The following SIPA1L1 variants were observed in gnomAD, a reference collection of about 807,000 sequenced individuals.
The protein encoded by SIPA1L1 is signal-induced proliferation-associated 1-like protein 1.
Under a neutral mutation model 162.7 loss-of-function variants are expected in SIPA1L1, and 26 were observed. The ratio of observed to expected loss-of-function variants is 0.16; its 90% confidence interval spans 0.12 to 0.22. SIPA1L1 has a LOEUF of 0.22. Among genes scored for constraint, SIPA1L1 ranks in the 10% least tolerant of loss-of-function variants. SIPA1L1 has a pLI of 1.00. For synonymous variants in SIPA1L1, 829 were observed against 837.4 expected (o/e 0.99, Z 0.17); for missense variants, 1,874 against 2,241.0 (o/e 0.84, Z 3.31).
intron 12 of SIPA1L1, among the ~76,000 whole-genome samples, chr14:71,684,812 C>T (rs1161278100): frequency 6.6e-6 from 1 of 150,800 alleles, no homozygotes; most frequent in African/African-American, 2.4e-5. Flanking sequence ...TATGCATTGG[C>T]GGGTGTGTGA....
At chr14:71,491,905 A>G (rs900391494) in intron 2 of SIPA1L1, among the ~76,000 whole-genome samples, 1 of 151,880 alleles carries the variant, frequency 6.6e-6, no homozygotes, top group Non-Finnish European at 1.5e-5. Context: ...AATTTACCTG[A>G]TAATCCTCAT....
intron 11 of SIPA1L1, 51 bp downstream of exon 11, chr14:71,671,743 T>G: frequency 7.1e-7 from 1 of 1,413,446 alleles, no homozygotes; most frequent in South Asian, 1.4e-5. Context: ...TCATAAAGTT[T>G]TCAATACAGA....
chr14:71,668,575 C>T (rs1024529769), intron 10 of SIPA1L1, among the ~76,000 whole-genome samples: 1 of 152,088 alleles, frequency 6.6e-6, no homozygotes, highest in Non-Finnish European at 1.5e-5. Context: ...AATGTAAAAT[C>T]GAGGTGAATT....
chr14:71,593,664 T>C (rs2035684716), intron 5 of SIPA1L1, among the ~76,000 whole-genome samples: 1 of 152,238 alleles, frequency 6.6e-6, no homozygotes, highest in South Asian at 2.1e-4. Context: ...TCTTGGTTTC[T>C]GTGGCCCCAC....
intron 5 of SIPA1L1, among the ~76,000 whole-genome samples, chr14:71,612,405 T>C (rs968601185): frequency 6.6e-6 from 1 of 152,176 alleles, no homozygotes; most frequent in Non-Finnish European, 1.5e-5. Flanking sequence ...TTTATTTGCT[T>C]TGTGTTTCTT....
chr14:71,552,439 C>T (rs974974207), intron 4 of SIPA1L1, among the ~76,000 whole-genome samples: 2 of 151,472 alleles, frequency 1.3e-5, no homozygotes, highest in East Asian at 1.9e-4. Flanking sequence ...TAGCCCAGGC[C>T]GGATTGCAGT....
intron 12 of SIPA1L1, among the ~76,000 whole-genome samples, chr14:71,675,987 A>AT (rs1473270284): frequency 6.6e-6 from 1 of 151,196 alleles, no homozygotes; most frequent in Non-Finnish European, 1.5e-5. Context: ...CTTAAATAAC[A>AT]TGTAAAAGCC....
At chr14:71,548,770 C>G (rs536541086) in intron 4 of SIPA1L1, among the ~76,000 whole-genome samples, 5 of 151,204 alleles carry the variant, frequency 3.3e-5, no homozygotes, top group African/African-American at 9.7e-5. Context: ...AGGTGGCACA[C>G]GACAGTAGTC....
At chr14:71,602,251 T>C (rs2036858837) in intron 5 of SIPA1L1, among the ~76,000 whole-genome samples, 1 of 152,162 alleles carries the variant, frequency 6.6e-6, no homozygotes, top group Non-Finnish European at 1.5e-5. Flanking sequence ...GTTTTGTACA[T>C]TGTTTTTTGG....
intron 2 of SIPA1L1, among the ~76,000 whole-genome samples, chr14:71,372,513 T>C (rs547152455): frequency 6.6e-6 from 1 of 152,314 alleles, no homozygotes; most frequent in East Asian, 1.9e-4. Flanking sequence ...ACGTTTTCAG[T>C]ACGTAGAATT....
At chr14:71,605,939 G>T (rs553434569) in intron 5 of SIPA1L1, among the ~76,000 whole-genome samples, 2 of 152,136 alleles carry the variant, frequency 1.3e-5, no homozygotes. Flanking sequence ...CATGATAGGG[G>T]TGATAGCAGT....
chr14:71,632,536 A>G (rs935864164), intron 7 of SIPA1L1, among the ~76,000 whole-genome samples: 3 of 152,222 alleles, frequency 2.0e-5, no homozygotes, highest in South Asian at 4.1e-4. Context: ...TAAGTGAGGA[A>G]CTGGAACTTT....
chr14:71,637,200 A>C (rs570751277), intron 7 of SIPA1L1, among the ~76,000 whole-genome samples: 1 of 152,062 alleles, frequency 6.6e-6, no homozygotes, highest in East Asian at 1.9e-4. Context: ...ATCCTCTAAC[A>C]AGACTGACAA....
At chr14:71,492,661 A>G (rs940712973) in intron 2 of SIPA1L1, among the ~76,000 whole-genome samples, 7 of 152,164 alleles carry the variant, frequency 4.6e-5, no homozygotes, top group African/African-American at 1.7e-4. Flanking sequence ...TTTCAGAGAC[A>G]GGAGCTCACT....
intron 2 of SIPA1L1, among the ~76,000 whole-genome samples, chr14:71,378,107 CTT>C (rs34849312): frequency 3.4e-5 from 5 of 146,112 alleles, no homozygotes; most frequent in Non-Finnish European, 6.0e-5. Context: ...TGTGTTTTGT[CTT>C]TTTTTTTTTG....
chr14:71,393,018 A>T (rs1035583678), intron 2 of SIPA1L1, among the ~76,000 whole-genome samples: 3 of 152,230 alleles, frequency 2.0e-5, no homozygotes, highest in Non-Finnish European at 4.4e-5. Context: ...GTGGCTTTGG[A>T]ATTTAACATC....
At chr14:71,564,050 G>A (rs1018459880) in intron 4 of SIPA1L1, among the ~76,000 whole-genome samples, 1 of 152,102 alleles carries the variant, frequency 6.6e-6, no homozygotes, top group Non-Finnish European at 1.5e-5. Flanking sequence ...TGTCTCAAGG[G>A]ATCCTCTCAC....
intron 12 of SIPA1L1, among the ~76,000 whole-genome samples, chr14:71,679,696 T>C (rs2045595145): frequency 6.6e-6 from 1 of 152,194 alleles, no homozygotes; most frequent in Non-Finnish European, 1.5e-5. Flanking sequence ...CCATCTCATG[T>C]GCAGAGACAC....
intron 4 of SIPA1L1, among the ~76,000 whole-genome samples, chr14:71,564,316 A>G (rs555171308): frequency 2.7e-5 from 4 of 150,650 alleles, no homozygotes; most frequent in African/African-American, 4.9e-5. Context: ...TTTCTTGGGT[A>G]TAATGTGCAT....
Sources: gnomAD v4.1 joint callset for allele counts (sites outside exome capture counted in the v4.1 genomes callset) on GRCh38, gnomAD v4.1.1 for gene constraint, MANE v1.5 for transcripts, NCBI Gene and HGNC (gene_info 2026-07-23, HGNC 2026-07-21) for gene names.